The following NTM variants were observed in gnomAD, a reference collection of about 807,000 sequenced individuals.
The protein encoded by NTM is IgLON family member 2.
In NTM, 13 loss-of-function variants were observed where a neutral mutation model predicts 42.1. The ratio of observed to expected loss-of-function variants is 0.31; its 90% CI spans 0.20 to 0.49. NTM has a LOEUF of 0.49. NTM is among the 20% of genes least tolerant of loss of function. The pLI, the probability that NTM is intolerant of heterozygous loss-of-function variation, is 0.99. For missense variants in NTM, 373 were observed against 452.8 expected, an observed-to-expected ratio of 0.82 and a Z score of 1.60; for synonymous variants, 187 against 179.2, an observed-to-expected ratio of 1.04 and a Z score of -0.35.
chr11:131,592,647 AACACACACACACACAC>A (rs3040142), intron 1 of NTM, among the ~76,000 whole-genome samples: 38 of 140,786 alleles, frequency 2.7e-4, no homozygotes, highest in East Asian at 1.5e-3. Flanking sequence ...ACACACCCCA[AACACACACACACACAC>A]ACACACACAC....
At chr11:132,132,404 T>C (rs578190926) in intron 2 of NTM, among the ~76,000 whole-genome samples, 1 of 152,380 alleles carries the variant, frequency 6.6e-6, no homozygotes, top group Admixed American at 6.5e-5. Context: ...TTATCTTCTT[T>C]GTATCATAAG....
At chr11:131,923,693 A>C (rs2057542588) in intron 2 of NTM, among the ~76,000 whole-genome samples, 1 of 152,212 alleles carries the variant, frequency 6.6e-6, no homozygotes, top group Admixed American at 6.5e-5. Context: ...GAAGGGAAGG[A>C]AGTGAAGTGG....
intron 1 of NTM, among the ~76,000 whole-genome samples, chr11:131,533,193 G>T (rs993559403): frequency 2.0e-5 from 3 of 152,134 alleles, no homozygotes; most frequent in African/African-American, 7.2e-5. Context: ...AGTGGGAATG[G>T]CAAGCTAAAT....
At chr11:131,496,199 T>G (rs1386872531) in intron 1 of NTM, among the ~76,000 whole-genome samples, 4 of 152,210 alleles carry the variant, frequency 2.6e-5, no homozygotes, top group African/African-American at 9.6e-5. Context: ...TAGGGTTCTT[T>G]CCAGTTCTGG....
At chr11:131,972,814 A>G (rs1042235233) in intron 2 of NTM, among the ~76,000 whole-genome samples, 1 of 152,210 alleles carries the variant, frequency 6.6e-6, no homozygotes, top group African/African-American at 2.4e-5. Context: ...AATCTCATGT[A>G]TAATTTTAAA....
intron 1 of NTM, among the ~76,000 whole-genome samples, chr11:131,494,510 C>T (rs1209928491): frequency 6.6e-6 from 1 of 152,166 alleles, no homozygotes; most frequent in Non-Finnish European, 1.5e-5. Context: ...ACCAATTGAA[C>T]CCATTTGCTG....
At chr11:132,131,335 T>G (rs992645503) in intron 2 of NTM, among the ~76,000 whole-genome samples, 1 of 152,296 alleles carries the variant, frequency 6.6e-6, no homozygotes, top group African/African-American at 2.4e-5. Context: ...GTGCCTTCAC[T>G]TCAAGCAACT....
At chr11:131,684,500 G>T (rs1425200029) in intron 1 of NTM, among the ~76,000 whole-genome samples, 1 of 152,202 alleles carries the variant, frequency 6.6e-6, no homozygotes, top group Admixed American at 6.5e-5. Context: ...AGCTTCCAGG[G>T]AGCTGGGAGG....
intron 1 of NTM, among the ~76,000 whole-genome samples, chr11:131,512,206 T>C (rs1200370946): frequency 2.0e-5 from 3 of 152,244 alleles, no homozygotes; most frequent in Non-Finnish European, 4.4e-5. Flanking sequence ...TGTGTGCCAG[T>C]GGGTGCATGC....
intron 4 of NTM, among the ~76,000 whole-genome samples, chr11:132,223,350 G>A (rs2085534196): frequency 6.6e-6 from 1 of 152,206 alleles, no homozygotes; most frequent in Non-Finnish European, 1.5e-5. Flanking sequence ...ATGATCAGGT[G>A]TGTGTTTGAG....
intron 2 of NTM, among the ~76,000 whole-genome samples, chr11:131,977,742 C>G (rs1368367404): frequency 6.6e-6 from 1 of 152,090 alleles, no homozygotes; most frequent in Admixed American, 6.5e-5. Flanking sequence ...CAATTAAGAT[C>G]TGAAGGAGAA....
chr11:131,802,513 C>T (rs2092206178), intron 1 of NTM, among the ~76,000 whole-genome samples: 1 of 152,210 alleles, frequency 6.6e-6, no homozygotes, highest in South Asian at 2.1e-4. Context: ...TCTGTGGGAG[C>T]CTGGAGGCCT....
intron 1 of NTM, chr11:131,671,563 C>T (rs1158853658): frequency 2.6e-5 from 26 of 985,366 alleles, no homozygotes; most frequent in Non-Finnish European, 3.1e-5. Flanking sequence ...GGTGGCTACC[C>T]TCACCCTCCT....
intron 4 of NTM, among the ~76,000 whole-genome samples, chr11:132,267,542 T>C (rs1031996732): frequency 6.7e-6 from 1 of 149,200 alleles, no homozygotes; most frequent in African/African-American, 2.5e-5. Context: ...GGGAGCTGGG[T>C]GCATGGCTCA....
rs184851185 is a variant in NTM at position 131,827,099 on chromosome 11, C to T, written c.83-84465C>T. Among the ~76,000 whole-genome samples, 71 of 152,176 alleles carry T rather than the reference C, an allele frequency of 4.7e-4. 1 individual carries two copies. Among genetic ancestry groups the T allele is most frequent in the African/African-American group, 1.5e-3 (64 of 41,518 alleles). ...TACTTTGTACCAGACTCTGAATACACGTTGATGAATTGAAGCTATTATTCC... is the reference window on the plus strand; with the variant it reads ...TACTTTGTACCAGACTCTGAATACATGTTGATGAATTGAAGCTATTATTCC... On this transcript the variant is annotated intron_variant, in intron 1 of 8. Transcript: ENST00000683400.
intron 1 of NTM, among the ~76,000 whole-genome samples, chr11:131,498,916 T>C (rs1955636605): frequency 6.6e-6 from 1 of 152,188 alleles, no homozygotes; most frequent in Non-Finnish European, 1.5e-5. Flanking sequence ...CCAGTGTCAG[T>C]TCCAGGCAGG....
intron 1 of NTM, among the ~76,000 whole-genome samples, chr11:131,598,793 CTTTCTT>C (rs1565686038): frequency 3.6e-5 from 3 of 83,534 alleles, no homozygotes; most frequent in African/African-American, 1.1e-4. Context: ...TTCTTTCTTT[CTTTCTT>C]TTTCTTTCTT....
At chr11:132,243,248 T>C (rs1409860393) in intron 4 of NTM, among the ~76,000 whole-genome samples, 3 of 152,180 alleles carry the variant, frequency 2.0e-5, no homozygotes, top group Non-Finnish European at 4.4e-5. Flanking sequence ...CTGGAAGAGC[T>C]TGGTAAGAAG....
intron 1 of NTM, among the ~76,000 whole-genome samples, chr11:131,655,035 C>T (rs1021969332): frequency 2.0e-5 from 3 of 152,246 alleles, no homozygotes; most frequent in South Asian, 2.1e-4. Flanking sequence ...TTACCAACCC[C>T]GCCCCCGCCA....
Sources: allele counts gnomAD v4.1 joint callset (sites outside exome capture counted in the v4.1 genomes callset), GRCh38; gene constraint gnomAD v4.1.1; transcripts MANE v1.5; gene names NCBI Gene and HGNC (gene_info 2026-07-23, HGNC 2026-07-21).